The following PEBP4 variants were observed in gnomAD, a reference collection of about 807,000 sequenced individuals.
PEBP4 encodes phosphatidylethanolamine-binding protein 4.
PEBP4 carries 22 observed loss-of-function variants against 23.9 expected under a neutral mutation model. That is an observed-to-expected ratio of 0.92 (90% confidence interval 0.66 to 1.31). The LOEUF (loss-of-function observed/expected upper bound fraction) is 1.31, where lower values mean the gene tolerates loss of function less well. PEBP4 is among the 40% of genes most tolerant of loss of function. The probability of loss-of-function intolerance (pLI) is 0.00; values close to 1 mark genes in which losing one functional copy is unlikely to be tolerated. For synonymous variants in PEBP4, 112 were observed against 99.3 expected, an observed-to-expected ratio of 1.13 and a Z score of -0.76; for missense variants, 324 against 281.7, an observed-to-expected ratio of 1.15 and a Z score of -1.07.
intron 3 of PEBP4, among the ~76,000 whole-genome samples, chr8:22,905,463 C>T (rs6557599): frequency 0.077 from 11,669 of 152,202 alleles, 752 homozygotes; most frequent in African/African-American, 0.18. Context: ...ATTCACATCC[C>T]TCTTTCTTTT....
At chr8:22,857,629 C>A (rs1204311232) in intron 3 of PEBP4, among the ~76,000 whole-genome samples, 1 of 152,148 alleles carries the variant, frequency 6.6e-6, no homozygotes, top group East Asian at 1.9e-4. Flanking sequence ...ACAGGAGAAC[C>A]TGAAGTTGGG....
At chr8:22,862,464 G>A (rs1807797032) in intron 3 of PEBP4, among the ~76,000 whole-genome samples, 1 of 152,054 alleles carries the variant, frequency 6.6e-6, no homozygotes, top group African/African-American at 2.4e-5. Flanking sequence ...AGGGACCAAG[G>A]GAAGACTTCA....
chr8:22,889,117 T>G (rs538697850), intron 3 of PEBP4, among the ~76,000 whole-genome samples: 8 of 152,282 alleles, frequency 5.3e-5, no homozygotes, highest in Admixed American at 2.0e-4. Context: ...TCTTCAAACC[T>G]CGAAAATGAC....
At chr8:22,778,927 G>C (rs1178122105) in intron 4 of PEBP4, among the ~76,000 whole-genome samples, 1 of 152,182 alleles carries the variant, frequency 6.6e-6, no homozygotes, top group East Asian at 1.9e-4. Flanking sequence ...TGTTGTCGGA[G>C]GCTGTCCTCG....
intron 4 of PEBP4, among the ~76,000 whole-genome samples, chr8:22,780,752 C>T (rs904537039): frequency 6.6e-6 from 1 of 152,214 alleles, no homozygotes; most frequent in East Asian, 1.9e-4. Context: ...TGGCTGGACT[C>T]CTCCGATCCT....
chr8:22,811,167 A>C (rs1243819379), intron 4 of PEBP4, among the ~76,000 whole-genome samples: 1 of 152,142 alleles, frequency 6.6e-6, no homozygotes, highest in Non-Finnish European at 1.5e-5. Context: ...AATTCACTGC[A>C]TTATCCCTTG....
intron 3 of PEBP4, among the ~76,000 whole-genome samples, chr8:22,905,945 C>G (rs1024427220): frequency 6.6e-6 from 1 of 152,212 alleles, no homozygotes; most frequent in Non-Finnish European, 1.5e-5. Flanking sequence ...TTGCTTCACT[C>G]TTAGCACGTT....
chr8:22,917,125 G>C (rs553672304), intron 3 of PEBP4, among the ~76,000 whole-genome samples: 62 of 138,836 alleles, frequency 4.5e-4, no homozygotes, highest in African/African-American at 1.7e-3. Context: ...CTGGGGGCGG[G>C]GGAGGGGGGG....
intron 1 of PEBP4, among the ~76,000 whole-genome samples, chr8:22,938,790 T>C (rs1055714965): frequency 1.3e-5 from 2 of 152,248 alleles, no homozygotes; most frequent in Non-Finnish European, 2.9e-5. Flanking sequence ...CCTTCTGCTC[T>C]AGTTTTCTGT....
At chr8:22,856,993 G>A (rs1014126764) in intron 3 of PEBP4, among the ~76,000 whole-genome samples, 4 of 151,892 alleles carry the variant, frequency 2.6e-5, no homozygotes, top group African/African-American at 9.7e-5. Flanking sequence ...AAAATGATAG[G>A]TGAGTGTTTG....
At chr8:22,762,456 G>C (rs1805527073) in intron 4 of PEBP4, among the ~76,000 whole-genome samples, 1 of 152,062 alleles carries the variant, frequency 6.6e-6, no homozygotes, top group Admixed American at 6.6e-5. Context: ...AGTTTTTCTG[G>C]GTCTTTCTGA....
chr8:22,913,843 C>T (rs1413076992), intron 3 of PEBP4, among the ~76,000 whole-genome samples: 2 of 152,206 alleles, frequency 1.3e-5, no homozygotes, highest in Non-Finnish European at 2.9e-5. Flanking sequence ...TGGGGTCTTG[C>T]TCTGTTGCCC....
intron 4 of PEBP4, among the ~76,000 whole-genome samples, chr8:22,761,378 A>G (rs1461611930): frequency 6.6e-6 from 1 of 150,806 alleles, no homozygotes; most frequent in Non-Finnish European, 1.5e-5. Context: ...GGCTCCTGAC[A>G]TGGCGAGGGG....
intron 4 of PEBP4, among the ~76,000 whole-genome samples, chr8:22,739,699 T>C (rs1341969557): frequency 6.6e-6 from 1 of 151,848 alleles, no homozygotes; most frequent in African/African-American, 2.4e-5. Context: ...GGCTCAGCAG[T>C]CTCCCCGAGC....
chr8:22,827,213 G>C (rs1387807884), intron 3 of PEBP4, among the ~76,000 whole-genome samples: 1 of 152,046 alleles, frequency 6.6e-6, no homozygotes, highest in African/African-American at 2.4e-5. Flanking sequence ...TCCAGATAAA[G>C]TTTTAAAAAA....
At position 22,868,421 on chromosome 8, in the gene PEBP4, C is replaced by T. The variant is rs1022637503; in HGVS notation, c.259-50686G>A. Among the ~76,000 whole-genome samples the T allele has an allele frequency of 2.6e-5, 4 of 152,194 alleles. No individual in the cohort carries two copies. In the South Asian group the frequency reaches 8.3e-4, roughly 32 times the overall value. On this transcript the variant is annotated intron_variant, in intron 3 of 6. Coordinates refer to ENST00000256404, the MANE Select transcript of PEBP4 (RefSeq NM_144962.3). ...TGTGTGCTGCCTGCCTGCATTCTCT[C>T]CAACTCCCCAGTAAGTCCTGGGTAG...
chr8:22,850,496 A>G (rs1435874905), intron 3 of PEBP4, among the ~76,000 whole-genome samples: 1 of 152,172 alleles, frequency 6.6e-6, no homozygotes, highest in Non-Finnish European at 1.5e-5. Flanking sequence ...GAGCTGTGAT[A>G]GGGCTGGGCA....
In PEBP4 at chr8:22,903,945, T is replaced by C. The variant is rs1041505450; in HGVS notation, c.258+16239A>G. Among the ~76,000 whole-genome samples, 3 of 152,346 alleles carry C rather than the reference T, an allele frequency of 2.0e-5. No homozygotes were observed. The East Asian group carries it at 5.8e-4, about 29-fold the overall frequency. On this transcript the variant is annotated intron_variant, in intron 3 of 6. Coordinates refer to ENST00000256404, the MANE Select transcript of PEBP4 (RefSeq NM_144962.3). The stretch of plus-strand genomic sequence containing the variant: ...AAGGCTCCAGCTGGGAGTGGGACTT[T>C]TGCTTAGATGCCCAACTTCAGTGAC...
chr8:22,816,332 G>T (rs1806739669), intron 4 of PEBP4, among the ~76,000 whole-genome samples: 2 of 152,196 alleles, frequency 1.3e-5, no homozygotes, highest in South Asian at 4.1e-4. Flanking sequence ...AAGGATGCCT[G>T]TCCACCTGAG....
Sources: gnomAD v4.1 joint callset for allele counts (sites outside exome capture counted in the v4.1 genomes callset) on GRCh38, gnomAD v4.1.1 for gene constraint, MANE v1.5 for transcripts, NCBI Gene and HGNC (gene_info 2026-07-23, HGNC 2026-07-21) for gene names.